Variants in ELOVL5 observed in about 807,000 individuals in gnomAD.
The protein encoded by ELOVL5 is ELOVL fatty acid elongase 5, also known as very long chain fatty acid elongase 5.
A neutral mutation model predicts 38.6 loss-of-function variants in ELOVL5; 8 were observed. That is an observed-to-expected ratio of 0.21 (90% CI 0.12 to 0.37). The LOEUF is 0.37. Ranked by LOEUF, ELOVL5 falls within the 10% of genes least tolerant of loss-of-function variation. The probability of loss-of-function intolerance (pLI) is 1.00; values close to 1 mark genes in which losing one functional copy is unlikely to be tolerated. For synonymous variants in ELOVL5, 127 were observed against 133.7 expected (o/e 0.95, Z 0.34); for missense variants, 280 against 367.8 (o/e 0.76, Z 1.95).
chr6:53,292,003 C>A (rs1766792243), intron 2 of ELOVL5, 40 bp from the exon 3 acceptor site: 1 of 1,305,074 alleles, frequency 7.7e-7, no homozygotes, highest in Non-Finnish European at 1.0e-6. Flanking sequence ...TAAAAACATT[C>A]ACAACTTTTC....
chr6:53,295,784 A>C (rs1766971480), intron 1 of ELOVL5, 77 bp from the exon 2 acceptor site: 3 of 908,568 alleles, frequency 3.3e-6, no homozygotes, highest in Non-Finnish European at 4.9e-6. Context: ...TAAAAGAATA[A>C]ATTCTTTTCA....
intron 1 of ELOVL5, among the ~76,000 whole-genome samples, chr6:53,333,500 C>T (rs1385029603): frequency 6.6e-6 from 1 of 152,168 alleles, no homozygotes; most frequent in Non-Finnish European, 1.5e-5. Flanking sequence ...AGACTGTCTC[C>T]TCCCTCTCTG....
At position 53,269,234 on chromosome 6, in the gene ELOVL5, G is replaced by C; in HGVS notation, c.793C>G (p.His265Asp). 6.2e-7 allele frequency: 1 copy of C among 1,612,542 alleles called. No homozygotes were observed. The highest frequency in any genetic ancestry group is 8.5e-7 in the Non-Finnish European group (1 of 1,179,168). ...NKKGASRRKD[H>D]LKDHQNGSMA... ...GACCCATTCTGGTGGTCCTTCAGGT[G>C]GTCTTTCCTTCGGGAGGCCCCTTTC... Residue 265 changes from histidine (H) to aspartate (D), a missense_variant, in exon 8 of 8, where the codon CAC (histidine) becomes GAC (aspartate). This residue lies in a region of ELOVL5 where 125 missense variants were observed against 158.9 expected (regional missense o/e 0.79). Transcript: ENST00000304434.
At chr6:53,344,797 T>A (rs1213391451) in intron 1 of ELOVL5, among the ~76,000 whole-genome samples, 1 of 152,216 alleles carries the variant, frequency 6.6e-6, no homozygotes, top group African/African-American at 2.4e-5. Context: ...TGCTATTTGC[T>A]TTTTGCCCAA....
At chr6:53,275,925 A>G (rs1049539936) in intron 4 of ELOVL5, among the ~76,000 whole-genome samples, 50 of 152,362 alleles carry the variant, frequency 3.3e-4, no homozygotes, top group African/African-American at 1.1e-3. Context: ...AATATAACAT[A>G]CTGACTGCAT....
intron 5 of ELOVL5, among the ~76,000 whole-genome samples, chr6:53,274,290 T>C (rs1426846999): frequency 6.6e-6 from 1 of 151,990 alleles, no homozygotes; most frequent in African/African-American, 2.4e-5. Flanking sequence ...TGGTCTTAGT[T>C]TCCTCCCAAA....
chr6:53,317,838 A>AG (rs1768120842), intron 1 of ELOVL5, among the ~76,000 whole-genome samples: 1 of 151,282 alleles, frequency 6.6e-6, no homozygotes, highest in African/African-American at 2.4e-5. Flanking sequence ...AAAAAATTAA[A>AG]AAAAATAAAA....
chr6:53,269,877 G>A (rs1765860743), intron 7 of ELOVL5, among the ~76,000 whole-genome samples: 1 of 152,218 alleles, frequency 6.6e-6, no homozygotes, highest in Non-Finnish European at 1.5e-5. Context: ...GTGCTTGTGG[G>A]CACAGAAGAA....
intron 1 of ELOVL5, among the ~76,000 whole-genome samples, chr6:53,305,094 T>A (rs1300476601): frequency 7.7e-6 from 1 of 129,552 alleles, no homozygotes; most frequent in Non-Finnish European, 1.6e-5. Flanking sequence ...GGCGGCTCGC[T>A]GGGCAGGGGG....
chr6:53,305,367 C>T (rs1415461155), intron 1 of ELOVL5, among the ~76,000 whole-genome samples: 9 of 104,062 alleles, frequency 8.6e-5, no homozygotes, highest in African/African-American at 3.1e-4. Flanking sequence ...GGCGGCTGGC[C>T]TGGCGGGGGC....
intron 3 of ELOVL5, chr6:53,277,032 C>G (rs1766162823): frequency 6.8e-6 from 1 of 146,236 alleles, no homozygotes; most frequent in African/African-American, 2.5e-5. Context: ...GGCCCCTCCC[C>G]TCAATGGGCC....
intron 1 of ELOVL5, among the ~76,000 whole-genome samples, chr6:53,304,491 C>A (rs981368962): frequency 1.3e-5 from 2 of 151,894 alleles, no homozygotes; most frequent in Non-Finnish European, 2.9e-5. Context: ...GTGTTTCTCG[C>A]AGAGGGGGAT....
At chr6:53,307,745 G>C (rs1238376191) in intron 1 of ELOVL5, among the ~76,000 whole-genome samples, 1 of 152,200 alleles carries the variant, frequency 6.6e-6, no homozygotes, top group African/African-American at 2.4e-5. Context: ...TGACTTCTCT[G>C]TGAGTAGAAG....
At chr6:53,328,889 C>T (rs1266655210) in intron 1 of ELOVL5, among the ~76,000 whole-genome samples, 2 of 152,178 alleles carry the variant, frequency 1.3e-5, no homozygotes, top group African/African-American at 4.8e-5. Context: ...TACCACAGAG[C>T]ACTAAAGCAA....
chr6:53,323,199 G>C (rs1768368630), intron 1 of ELOVL5, among the ~76,000 whole-genome samples: 1 of 152,176 alleles, frequency 6.6e-6, no homozygotes, highest in Admixed American at 6.5e-5. Context: ...GCAACCTACA[G>C]ATACCTGTAA....
In ELOVL5 at chr6:53,327,567, G is replaced by A. The variant is rs115033752; in HGVS notation, c.-9+21250C>T. Among the ~76,000 whole-genome samples, 76 of 152,264 alleles carry A rather than the reference G, an allele frequency of 5.0e-4. 1 individual carries two copies. The highest frequency in any genetic ancestry group is 1.7e-3 in the African/African-American group (70 of 41,546). On this transcript the variant is annotated intron_variant, in intron 1 of 7. Transcript: ENST00000304434. ...TGGCAAGTGGCTGCTAACTGGCAGT[G>A]GTCTCCTTTGGGGATGTGAAAATGT...
At chr6:53,295,210 A>G (rs918721890) in intron 2 of ELOVL5, among the ~76,000 whole-genome samples, 17 of 152,354 alleles carry the variant, frequency 1.1e-4, no homozygotes, top group African/African-American at 4.1e-4. Context: ...AGATACAGCA[A>G]GTAAGGTTCA....
chr6:53,343,418 G>T (rs1435719456), intron 1 of ELOVL5, among the ~76,000 whole-genome samples: 1 of 151,974 alleles, frequency 6.6e-6, no homozygotes, highest in African/African-American at 2.4e-5. Flanking sequence ...TTGCCATATT[G>T]CCCAGGCTGG....
At chr6:53,301,561 G>A (rs1350185451) in intron 1 of ELOVL5, among the ~76,000 whole-genome samples, 2 of 152,098 alleles carry the variant, frequency 1.3e-5, no homozygotes, top group African/African-American at 4.8e-5. Flanking sequence ...TCTCTGACCT[G>A]CACTCAACCT....
Sources: gnomAD v4.1 joint callset for allele counts (sites outside exome capture counted in the v4.1 genomes callset) on GRCh38, gnomAD v4.1.1 for gene constraint, gnomAD v4.1.1 regional missense constraint, MANE v1.5 for transcripts, NCBI Gene and HGNC (gene_info 2026-07-23, HGNC 2026-07-21) for gene names.